Variants in GSG1L observed in about 807,000 individuals in gnomAD.
GSG1L encodes the protein germ cell-specific gene 1-like protein.
In GSG1L, 24 loss-of-function variants were observed where a neutral mutation model predicts 42.1. The ratio of observed to expected loss-of-function variants is 0.57; its 90% CI spans 0.41 to 0.80. The LOEUF (loss-of-function observed/expected upper bound fraction) is 0.80, where lower values mean the gene tolerates loss of function less well. Ranked by LOEUF, GSG1L falls within the 30% of genes least tolerant of loss-of-function variation. The pLI is 0.00. For synonymous variants in GSG1L, 215 were observed against 203.5 expected (o/e 1.06, Z -0.48); for missense variants, 445 against 472.2 (o/e 0.94, Z 0.53).
intron 2 of GSG1L, among the ~76,000 whole-genome samples, chr16:27,909,591 G>C (rs112443204): frequency 6.8e-6 from 1 of 148,114 alleles, no homozygotes; most frequent in African/African-American, 2.5e-5. Flanking sequence ...GGGAGAAGGC[G>C]AAGGAACTAA....
chr16:28,046,973 A>G (rs205398), intron 1 of GSG1L, among the ~76,000 whole-genome samples: 65,787 of 152,044 alleles, frequency 0.43, 15,372 homozygotes, highest in East Asian at 0.69. Context: ...ACAAACACAC[A>G]ACTGGAAGTT....
chr16:27,857,736 T>C (rs1157417625), intron 3 of GSG1L, among the ~76,000 whole-genome samples: 1 of 152,130 alleles, frequency 6.6e-6, no homozygotes, highest in East Asian at 1.9e-4. Context: ...CTCTCATTTT[T>C]GTCTCTTTCT....
chr16:27,871,616 G>A (rs1200163079), intron 3 of GSG1L, among the ~76,000 whole-genome samples: 2 of 152,154 alleles, frequency 1.3e-5, no homozygotes, highest in African/African-American at 4.8e-5. Flanking sequence ...GCTCCAGCCT[G>A]GGTGACAGAG....
chr16:27,869,823 CTCTG>C lies in GSG1L; in HGVS notation c.550+14659_550+14662del, dbSNP rs200463864. 3.4e-5 allele frequency among the ~76,000 whole-genome samples: 5 copies of C among 149,220 alleles called. No individual in the cohort carries two copies. In the East Asian group the frequency reaches 1.0e-3, roughly 30 times the overall value. ...TCTCTGTCTCCCTCCATCTCTCTCT[CTCTG>C]TCTCCCTCCATCTCTCTCTCCATCT... is the stretch of plus-strand genomic sequence containing the variant. On this transcript the variant is annotated intron_variant, in intron 3 of 6. Coordinates refer to ENST00000447459, the MANE Select transcript of GSG1L (RefSeq NM_001109763.2).
chr16:27,979,698 G>GAGAGA (rs1567542882), intron 1 of GSG1L, among the ~76,000 whole-genome samples: 4 of 34,018 alleles, frequency 1.2e-4, no homozygotes, highest in African/African-American at 6.0e-4. Context: ...AAGGAAGGAA[G>GAGAGA]GAAGGAAGGA....
At chr16:27,899,778 G>A (rs944398203) in intron 2 of GSG1L, among the ~76,000 whole-genome samples, 1 of 152,100 alleles carries the variant, frequency 6.6e-6, no homozygotes, top group African/African-American at 2.4e-5. Context: ...GTTCACTCCC[G>A]ATAGACTTCA....
intron 5 of GSG1L, among the ~76,000 whole-genome samples, chr16:27,810,046 C>G (rs190451504): frequency 6.6e-6 from 1 of 152,198 alleles, no homozygotes; most frequent in African/African-American, 2.4e-5. Context: ...TTCATTCATT[C>G]GCTCATTCAC....
At chr16:28,039,191 A>G (rs1466204032) in intron 1 of GSG1L, among the ~76,000 whole-genome samples, 1 of 152,214 alleles carries the variant, frequency 6.6e-6, no homozygotes, top group African/African-American at 2.4e-5. Context: ...AGAAAAAACA[A>G]TGTGATCAGT....
chr16:27,962,244 C>T (rs1397630991), intron 2 of GSG1L, among the ~76,000 whole-genome samples: 1 of 152,222 alleles, frequency 6.6e-6, no homozygotes, highest in Non-Finnish European at 1.5e-5. Flanking sequence ...AGGATAAAGA[C>T]CACATTTCCC....
rs372957226 is a variant in GSG1L at position 27,979,685 on chromosome 16, A to G, written c.350-16482T>C. ...AAAGAGAGAGAGAGAGAGAGAAAGA[A>G]AGAAGGAAGGAAGGAAGGAAGGAAG... On this transcript the variant is annotated intron_variant, in intron 1 of 6. Transcript: ENST00000447459. 8.7e-4 allele frequency among the ~76,000 whole-genome samples: 48 copies of G among 55,392 alleles called. 1 individual carries two copies. Among genetic ancestry groups the G allele is most frequent in the South Asian group, 2.0e-3 (2 of 980 alleles). The allele number at this position is 55,392 out of a possible 152,430, so 36.3% of individuals were successfully genotyped here. A position where few individuals can be genotyped will look rare whatever the true frequency, so the allele number is the denominator to read the frequency against.
At chr16:27,852,155 C>A (rs1363700428) in intron 3 of GSG1L, among the ~76,000 whole-genome samples, 1 of 152,224 alleles carries the variant, frequency 6.6e-6, no homozygotes. Context: ...ACGCAGTGAG[C>A]ACTCATGTTT....
At chr16:27,957,026 G>A (rs2085013654) in intron 2 of GSG1L, among the ~76,000 whole-genome samples, 1 of 152,198 alleles carries the variant, frequency 6.6e-6, no homozygotes, top group African/African-American at 2.4e-5. Flanking sequence ...GGAAGTAGGA[G>A]AAACTTTTCT....
intron 1 of GSG1L, among the ~76,000 whole-genome samples, chr16:28,012,916 T>A (rs916656143): frequency 6.7e-6 from 1 of 148,482 alleles, no homozygotes. Context: ...AAAAGTTACT[T>A]CAATGCAATT....
At chr16:27,921,873 C>G (rs969385417) in intron 2 of GSG1L, among the ~76,000 whole-genome samples, 1 of 152,152 alleles carries the variant, frequency 6.6e-6, no homozygotes, top group Non-Finnish European at 1.5e-5. Flanking sequence ...GGGAAAGAGA[C>G]TGGGGCATCA....
intron 1 of GSG1L, among the ~76,000 whole-genome samples, chr16:27,973,156 G>A (rs1385403957): frequency 2.0e-5 from 3 of 152,232 alleles, no homozygotes; most frequent in East Asian, 3.9e-4. Flanking sequence ...CTGGAAAAAA[G>A]TAAGTGCTTA....
intron 1 of GSG1L, among the ~76,000 whole-genome samples, chr16:27,987,723 C>A (rs557010956): frequency 6.6e-6 from 1 of 152,068 alleles, no homozygotes; most frequent in Non-Finnish European, 1.5e-5. Flanking sequence ...CCGAGGCGGG[C>A]GGATCACGAG....
At chr16:27,800,876 G>A (rs1029037772) in intron 6 of GSG1L, among the ~76,000 whole-genome samples, 6 of 152,206 alleles carry the variant, frequency 3.9e-5, no homozygotes, top group Non-Finnish European at 7.3e-5. Flanking sequence ...ACTTGGTGGA[G>A]AGAGGCAGCA....
Position 27,842,620 on chromosome 16 carries a change from G to A in GSG1L, c.662+2330C>T, listed in dbSNP as rs1024073821. Reference sequence around the variant, plus strand: ...GCTGCAGGGGGAAGGGTTGGGTAAAGGGAGGTCAGAACCTCAGCTGGCTTC... The same window carrying A: ...GCTGCAGGGGGAAGGGTTGGGTAAAAGGAGGTCAGAACCTCAGCTGGCTTC... On this transcript the variant is annotated intron_variant, in intron 4 of 6. Transcript: ENST00000447459. Among the ~76,000 whole-genome samples the A allele has an allele frequency of 6.6e-5, 10 of 152,038 alleles. 1 individual carries two copies. The highest frequency in any genetic ancestry group is 3.3e-4 in the Admixed American group (5 of 15,268).
intron 2 of GSG1L, among the ~76,000 whole-genome samples, chr16:27,900,948 T>C (rs1429372358): frequency 2.0e-5 from 3 of 151,900 alleles, no homozygotes; most frequent in Non-Finnish European, 4.4e-5. Context: ...GCCAAAATGA[T>C]GAAACCCTGT....
Sources: gnomAD v4.1 joint callset for allele counts (sites outside exome capture counted in the v4.1 genomes callset) on GRCh38, gnomAD v4.1.1 for gene constraint, MANE v1.5 for transcripts, NCBI Gene and HGNC (gene_info 2026-07-23, HGNC 2026-07-21) for gene names.